FRMD4A: variants seen among roughly 807,000 people sequenced by gnomAD.
The protein encoded by FRMD4A is FERM domain-containing protein 4A.
A neutral mutation model predicts 129.1 loss-of-function variants in FRMD4A; 29 were observed. That is an observed-to-expected ratio of 0.22 (90% CI 0.17 to 0.31). FRMD4A has a LOEUF of 0.31. Ranked by LOEUF, FRMD4A falls within the 10% of genes least tolerant of loss-of-function variation. The pLI is 1.00. For missense variants in FRMD4A, 1,272 were observed against 1,375.8 expected (o/e 0.92, Z 1.19); for synonymous variants, 634 against 571.6 (o/e 1.11, Z -1.56).
intron 2 of FRMD4A, among the ~76,000 whole-genome samples, chr10:13,884,170 A>T (rs55686339): frequency 0.39 from 22,535 of 58,026 alleles, 2,356 homozygotes; most frequent in Non-Finnish European, 0.42. Flanking sequence ...ACACACACTC[A>T]CACACTCACA....
chr10:14,288,268 A>G (rs1276457667), intron 2 of FRMD4A, among the ~76,000 whole-genome samples: 1 of 152,194 alleles, frequency 6.6e-6, no homozygotes, highest in Non-Finnish European at 1.5e-5. Flanking sequence ...CTCCCAAATC[A>G]AAATTGGAAA....
intron 12 of FRMD4A, chr10:13,729,463 A>C (rs1002565697): frequency 1.3e-5 from 2 of 152,238 alleles, no homozygotes; most frequent in African/African-American, 4.8e-5. Context: ...CGCATAATTT[A>C]GCGGGGCAAT....
chr10:14,120,060 G>A (rs1838415427), intron 2 of FRMD4A, among the ~76,000 whole-genome samples: 1 of 149,388 alleles, frequency 6.7e-6, no homozygotes, highest in African/African-American at 2.5e-5. Flanking sequence ...TGTGGACAGA[G>A]CTATTTGCAT....
At chr10:13,760,219 A>C (rs1265934161) in intron 8 of FRMD4A, among the ~76,000 whole-genome samples, 2 of 151,840 alleles carry the variant, frequency 1.3e-5, no homozygotes, top group Admixed American at 1.3e-4. Flanking sequence ...TGCGTGCAAA[A>C]CTCAAGATAC....
intron 2 of FRMD4A, among the ~76,000 whole-genome samples, chr10:14,012,688 T>C (rs897412636): frequency 6.6e-6 from 1 of 152,082 alleles, no homozygotes; most frequent in Non-Finnish European, 1.5e-5. Context: ...GTAAATGATC[T>C]CCTGATGGAA....
intron 4 of FRMD4A, among the ~76,000 whole-genome samples, chr10:13,809,341 C>G (rs1000948000): frequency 6.6e-6 from 1 of 152,074 alleles, no homozygotes; most frequent in African/African-American, 2.4e-5. Flanking sequence ...AGTAAACTTA[C>G]GTGGGAAATG....
intron 2 of FRMD4A, among the ~76,000 whole-genome samples, chr10:14,060,836 C>A (rs1834773894): frequency 6.6e-6 from 1 of 152,032 alleles, no homozygotes; most frequent in African/African-American, 2.4e-5. Flanking sequence ...TTTGGGTCCC[C>A]ATGGACTTCT....
chr10:13,914,203 T>C (rs1292138671), intron 2 of FRMD4A, among the ~76,000 whole-genome samples: 3 of 152,228 alleles, frequency 2.0e-5, no homozygotes, highest in Non-Finnish European at 4.4e-5. Context: ...GTGGTTTCAG[T>C]GAAACATTTT....
chr10:14,160,882 T>C (rs958829371), intron 2 of FRMD4A, among the ~76,000 whole-genome samples: 2 of 152,168 alleles, frequency 1.3e-5, no homozygotes, highest in African/African-American at 2.4e-5. Flanking sequence ...GGCAAGGATG[T>C]GGAGAAAAGG....
intron 8 of FRMD4A, among the ~76,000 whole-genome samples, chr10:13,748,338 T>C (rs1011438182): frequency 7.2e-5 from 11 of 152,180 alleles, no homozygotes; most frequent in African/African-American, 2.7e-4. Context: ...TTTTCTGAAA[T>C]ATGACAAATA....
intron 2 of FRMD4A, among the ~76,000 whole-genome samples, chr10:14,179,933 C>T (rs1841856655): frequency 6.6e-6 from 1 of 152,166 alleles, no homozygotes; most frequent in Admixed American, 6.5e-5. Flanking sequence ...ACTCAGGAGG[C>T]TGATGCAGGA....
At chr10:13,729,102 C>A (rs1047319079) in intron 12 of FRMD4A, among the ~76,000 whole-genome samples, 1 of 49,856 alleles carries the variant, frequency 2.0e-5, no homozygotes, top group East Asian at 6.3e-4. Context: ...CCCCGCCCGC[C>A]CCCGCGGCCA....
At chr10:13,789,891 T>A (rs771916138) in intron 5 of FRMD4A, among the ~76,000 whole-genome samples, 2 of 151,696 alleles carry the variant, frequency 1.3e-5, no homozygotes, top group Non-Finnish European at 2.9e-5. Context: ...TGTCCTTTTC[T>A]GAGGATAATG....
chr10:13,652,215 C>T (rs1010136874), intron 23 of FRMD4A: 5 of 564,368 alleles, frequency 8.9e-6, no homozygotes, highest in Admixed American at 3.1e-5. Context: ...TTTTGTATCA[C>T]ATCATAGCAA....
At chr10:13,859,674 G>T (rs534230686) in intron 2 of FRMD4A, among the ~76,000 whole-genome samples, 1 of 152,150 alleles carries the variant, frequency 6.6e-6, no homozygotes, top group Non-Finnish European at 1.5e-5. Flanking sequence ...CTGGTAACCA[G>T]AAAGCAGATG....
At chr10:14,040,113 G>C (rs566453872) in intron 2 of FRMD4A, among the ~76,000 whole-genome samples, 2 of 152,146 alleles carry the variant, frequency 1.3e-5, no homozygotes, top group East Asian at 3.9e-4. Flanking sequence ...AGAAACTCAG[G>C]AACAGAGAGG....
chr10:13,701,614 C>G, intron 13 of FRMD4A, 136 bp from the exon 14 acceptor site: 1 of 707,004 alleles, frequency 1.4e-6, no homozygotes. Flanking sequence ...CTCACATACA[C>G]CTAGGCGTAC....
intron 8 of FRMD4A, among the ~76,000 whole-genome samples, chr10:13,749,559 C>A (rs1219951839): frequency 1.3e-5 from 2 of 152,124 alleles, no homozygotes; most frequent in Non-Finnish European, 2.9e-5. Context: ...ATCAGCGTCA[C>A]CATTGGATGC....
intron 2 of FRMD4A, among the ~76,000 whole-genome samples, chr10:14,299,678 C>T (rs1036031901): frequency 6.6e-6 from 1 of 152,132 alleles, no homozygotes; most frequent in African/African-American, 2.4e-5. Context: ...AGCACAGAAG[C>T]CTATCTCCTG....
Sources: allele counts gnomAD v4.1 joint callset (sites outside exome capture counted in the v4.1 genomes callset), GRCh38; gene constraint gnomAD v4.1.1; transcripts MANE v1.5; gene names NCBI Gene and HGNC (gene_info 2026-07-23, HGNC 2026-07-21).